The following SLC25A33 variants were observed in gnomAD, a reference collection of about 807,000 sequenced individuals.
SLC25A33 encodes bone marrow stromal cell mitochondrial carrier protein.
Under a neutral mutation model 35.5 loss-of-function variants are expected in SLC25A33, and 15 were observed. That is an observed-to-expected ratio of 0.42 (90% CI 0.28 to 0.65). The LOEUF (loss-of-function observed/expected upper bound fraction) is 0.65. Ranked by LOEUF, SLC25A33 falls within the 30% of genes least tolerant of loss-of-function variation. SLC25A33 has a pLI of 0.20. For missense variants in SLC25A33, 257 were observed against 398.5 expected (o/e 0.64, Z 3.02); for synonymous variants, 136 against 148.7 (o/e 0.91, Z 0.62).
In SLC25A33 at chr1:9,539,658, C is replaced by G; in HGVS notation, c.-34C>G. On this transcript the variant is annotated 5_prime_UTR_variant, in exon 1 of 7. Coordinates refer to ENST00000302692, the MANE Select transcript of SLC25A33 (RefSeq NM_032315.3). ...CTCGAGCCGCCACGCGCTCTCGCCA[C>G]CGGGCGGCGACGGGCCGCGGAGCCG... 7.5e-7 allele frequency: 1 copy of G among 1,340,604 alleles called. No individual in the cohort carries two copies. The highest frequency in any genetic ancestry group is 9.5e-7 in the Non-Finnish European group (1 of 1,048,884). The allele number at this position is 1,340,604 out of a possible 1,614,324, so 83.0% of individuals were successfully genotyped here. A position where few individuals can be genotyped will look rare whatever the true frequency, so the allele number is the denominator to read the frequency against.
Position 9,577,495 on chromosome 1 carries a change from G to A in SLC25A33, c.483-2459G>A, listed in dbSNP as rs147493602. On this transcript the variant is annotated intron_variant, in intron 5 of 6. Coordinates refer to ENST00000302692, the MANE Select transcript of SLC25A33 (RefSeq NM_032315.3). ...CTCCATCTCAAAAAAATGAAAAAAG[G>A]AAAAAAGAAAAGAAAGCATGGTTAG... 8.6e-3 allele frequency among the ~76,000 whole-genome samples: 1,311 copies of A among 152,170 alleles called. 69 individuals are homozygous for A. The highest frequency in any genetic ancestry group is 0.065 in the Admixed American group (1,000 of 15,272).
At chr1:9,575,146 G>A (rs1230643472) in intron 5 of SLC25A33, among the ~76,000 whole-genome samples, 5 of 149,102 alleles carry the variant, frequency 3.4e-5, no homozygotes, top group African/African-American at 1.2e-4. Flanking sequence ...CCGGGAGGTG[G>A]AGCTTGCAGT....
At chr1:9,540,733 G>T (rs1168909837) in intron 1 of SLC25A33, among the ~76,000 whole-genome samples, 1 of 152,158 alleles carries the variant, frequency 6.6e-6, no homozygotes, top group Non-Finnish European at 1.5e-5. Flanking sequence ...GATCATCTTG[G>T]CTTGAGTAGT....
intron 2 of SLC25A33, among the ~76,000 whole-genome samples, chr1:9,561,702 G>A (rs1391450512): frequency 1.3e-5 from 2 of 152,044 alleles, no homozygotes; most frequent in Non-Finnish European, 2.9e-5. Flanking sequence ...CATTATGGAT[G>A]AGCGGCTTCA....
At chr1:9,543,169 G>C (rs1357726581) in intron 1 of SLC25A33, among the ~76,000 whole-genome samples, 1 of 149,382 alleles carries the variant, frequency 6.7e-6, no homozygotes, top group African/African-American at 2.5e-5. Flanking sequence ...TTGATACGGA[G>C]TTTCAGTCTT....
intron 5 of SLC25A33, among the ~76,000 whole-genome samples, chr1:9,577,824 G>A (rs534458107): frequency 1.6e-4 from 24 of 152,140 alleles, no homozygotes; most frequent in Non-Finnish European, 2.9e-4. Context: ...AATAGAGGCC[G>A]GGATGCTGCT....
At chr1:9,562,466 C>T (rs1276121318) in intron 2 of SLC25A33, among the ~76,000 whole-genome samples, 1 of 151,906 alleles carries the variant, frequency 6.6e-6, no homozygotes, top group Non-Finnish European at 1.5e-5. Flanking sequence ...TATGGGATCA[C>T]TTAAAAGGGC....
At chr1:9,541,384 C>T (rs1643079216) in intron 1 of SLC25A33, among the ~76,000 whole-genome samples, 2 of 152,080 alleles carry the variant, frequency 1.3e-5, no homozygotes, top group Admixed American at 1.3e-4. Context: ...CTCCTGACCT[C>T]GTGATCCGCC....
At chr1:9,569,040 G>T (rs1265667092) in intron 3 of SLC25A33, among the ~76,000 whole-genome samples, 1 of 152,064 alleles carries the variant, frequency 6.6e-6, no homozygotes, top group Non-Finnish European at 1.5e-5. Flanking sequence ...GAGGTCAGGA[G>T]TTTGAGACCA....
At chr1:9,576,853 A>G in intron 5 of SLC25A33, 1 of 1,243,154 alleles carries the variant, frequency 8.0e-7, no homozygotes, top group Admixed American at 1.8e-5. Flanking sequence ...TAATCCTTGA[A>G]GGAAATGACA....
chr1:9,560,771 T>TC (rs1643412876), intron 2 of SLC25A33, among the ~76,000 whole-genome samples: 1 of 151,850 alleles, frequency 6.6e-6, no homozygotes, highest in South Asian at 2.1e-4. Context: ...TTTTTTTTTT[T>TC]AATAGTTACT....
intron 1 of SLC25A33, among the ~76,000 whole-genome samples, chr1:9,540,955 A>G (rs1425054849): frequency 2.0e-5 from 3 of 149,990 alleles, no homozygotes; most frequent in Non-Finnish European, 4.4e-5. Context: ...TTCCCTTGCA[A>G]CCCTTCCCTC....
intron 2 of SLC25A33, among the ~76,000 whole-genome samples, chr1:9,555,368 T>TC (rs1643327574): frequency 6.6e-6 from 1 of 152,110 alleles, no homozygotes; most frequent in Non-Finnish European, 1.5e-5. Flanking sequence ...TCCGCCCACC[T>TC]TGACCTCCCA....
intron 1 of SLC25A33, among the ~76,000 whole-genome samples, chr1:9,546,019 TTAG>T (rs1242094870): frequency 3.3e-5 from 5 of 151,674 alleles, no homozygotes; most frequent in African/African-American, 1.2e-4. Context: ...AAAAATTCAA[TTAG>T]TAGTTTCTTT....
At chr1:9,540,440 A>C (rs887247941) in intron 1 of SLC25A33, among the ~76,000 whole-genome samples, 1 of 151,968 alleles carries the variant, frequency 6.6e-6, no homozygotes, top group Non-Finnish European at 1.5e-5. Flanking sequence ...ATGGTCAGGC[A>C]CCTTTTTTCC....
intron 1 of SLC25A33, among the ~76,000 whole-genome samples, chr1:9,541,022 C>G (rs2100362843): frequency 6.6e-6 from 1 of 152,208 alleles, no homozygotes; most frequent in Non-Finnish European, 1.5e-5. Context: ...CTCTGTCGCC[C>G]AGGCTGGAGT....
At chr1:9,562,310 T>C (rs1006441745) in intron 2 of SLC25A33, among the ~76,000 whole-genome samples, 3 of 143,502 alleles carry the variant, frequency 2.1e-5, no homozygotes, top group Admixed American at 7.2e-5. Context: ...ATGCAGCCAC[T>C]GCACTCCAGC....
intron 1 of SLC25A33, among the ~76,000 whole-genome samples, chr1:9,549,554 C>T (rs1264197822): frequency 6.6e-6 from 1 of 151,238 alleles, no homozygotes; most frequent in East Asian, 1.9e-4. Flanking sequence ...AGTGTTGGGG[C>T]TCATAGTAGG....
intron 1 of SLC25A33, among the ~76,000 whole-genome samples, chr1:9,543,764 A>G (rs1036971927): frequency 1.3e-5 from 2 of 152,148 alleles, no homozygotes; most frequent in African/African-American, 2.4e-5. Context: ...TTGTTTTGCC[A>G]TCCTAGCCTT....
Sources: allele counts gnomAD v4.1 joint callset (sites outside exome capture counted in the v4.1 genomes callset), GRCh38; gene constraint gnomAD v4.1.1; transcripts MANE v1.5; gene names NCBI Gene and HGNC (gene_info 2026-07-23, HGNC 2026-07-21).